TXK: variants seen among roughly 807,000 people sequenced by gnomAD.
TXK encodes the protein tyrosine-protein kinase TXK.
In TXK, 60 loss-of-function variants were observed where a neutral mutation model predicts 81.0. That is an observed-to-expected ratio of 0.74 (90% CI 0.60 to 0.92). The LOEUF is 0.92. Among genes scored for constraint, TXK ranks in the 40% least tolerant of loss-of-function variants. TXK has a pLI of 0.00. For missense variants in TXK, 581 were observed against 638.3 expected, an observed-to-expected ratio of 0.91 and a Z score of 0.97; for synonymous variants, 203 against 210.7, an observed-to-expected ratio of 0.96 and a Z score of 0.32.
Position 48,095,224 on chromosome 4 carries a change from T to G in TXK, c.502-2A>C. ...GACAATAAATGCACCTTCTTTAGAC[T>G]GCAAAAAAAATCATTTATTGAATAA... On this transcript the variant is annotated splice_acceptor_variant, in intron 6 of 14. Transcript: ENST00000264316. LOFTEE classifies it high-confidence loss of function. 6.2e-7 allele frequency: 1 copy of G among 1,607,308 alleles called. No individual in the cohort carries two copies. The highest frequency in any genetic ancestry group is 8.5e-7 in the Non-Finnish European group (1 of 1,176,714).
At chr4:48,112,722 T>C (rs1357388806) in intron 3 of TXK, among the ~76,000 whole-genome samples, 1 of 152,202 alleles carries the variant, frequency 6.6e-6, no homozygotes, top group East Asian at 1.9e-4. Flanking sequence ...ACTTTTGAGA[T>C]CACAAGTTCT....
chr4:48,096,100 T>A (rs1372632776), intron 6 of TXK, among the ~76,000 whole-genome samples: 1 of 152,252 alleles, frequency 6.6e-6, no homozygotes, highest in Non-Finnish European at 1.5e-5. Context: ...GTAAACGTAC[T>A]ACATTAAGTA....
chr4:48,108,322 GTT>G lies in TXK; in HGVS notation c.446+2214_446+2215del, dbSNP rs1253427957. 1.2e-4 allele frequency among the ~76,000 whole-genome samples: 18 copies of G among 152,298 alleles called. No individual in the cohort carries two copies. In the East Asian group the frequency reaches 3.1e-3, roughly 26 times the overall value. On this transcript the variant is annotated intron_variant, in intron 5 of 14. Coordinates refer to ENST00000264316, the MANE Select transcript of TXK (RefSeq NM_003328.3). ...CAAACTGTAAATGTTTTTCCTGTTA[GTT>G]TCATAGTTCATGAAATAATAATAAT... is the stretch of plus-strand genomic sequence containing the variant.
intron 8 of TXK, among the ~76,000 whole-genome samples, chr4:48,092,802 G>C (rs1267953564): frequency 6.6e-6 from 1 of 152,184 alleles, no homozygotes; most frequent in African/African-American, 2.4e-5. Context: ...AGGATGAGAG[G>C]GCATGGGGAC....
intron 10 of TXK, among the ~76,000 whole-genome samples, chr4:48,083,308 T>TGGGCCCACA (rs1717382372): frequency 6.6e-6 from 1 of 152,326 alleles, no homozygotes; most frequent in African/African-American, 2.4e-5. Flanking sequence ...CTGTTGCATG[T>TGGGCCCACA]CCTGCAAGTG....
chr4:48,115,195 C>G (rs1223185643), intron 1 of TXK, among the ~76,000 whole-genome samples: 1 of 152,070 alleles, frequency 6.6e-6, no homozygotes, highest in Non-Finnish European at 1.5e-5. Flanking sequence ...TGCTCTCCCT[C>G]CCCTTGCCCT....
intron 6 of TXK, among the ~76,000 whole-genome samples, chr4:48,102,509 T>G (rs1718236905): frequency 6.6e-6 from 1 of 152,246 alleles, no homozygotes; most frequent in South Asian, 2.1e-4. Flanking sequence ...GCAAGAATGT[T>G]GGAAACCAGT....
At chr4:48,077,439 A>G (rs1717115502) in intron 11 of TXK, among the ~76,000 whole-genome samples, 2 of 152,200 alleles carry the variant, frequency 1.3e-5, no homozygotes, top group Admixed American at 6.5e-5. Context: ...TTTGACAGGG[A>G]AAAGACTCAT....
chr4:48,111,444 G>T (rs1252272104), intron 4 of TXK, among the ~76,000 whole-genome samples: 1 of 152,100 alleles, frequency 6.6e-6, no homozygotes, highest in Non-Finnish European at 1.5e-5. Context: ...ATTAATGTTT[G>T]CATATTATAT....
intron 14 of TXK, 128 bp downstream of exon 14, chr4:48,071,389 A>G: frequency 1.1e-6 from 1 of 928,492 alleles, no homozygotes; most frequent in Admixed American, 2.5e-5. Context: ...TCAGACTCTC[A>G]GGATCATGAC....
intron 6 of TXK, among the ~76,000 whole-genome samples, chr4:48,098,583 G>GT (rs1560351948): frequency 6.6e-6 from 1 of 151,324 alleles, no homozygotes; most frequent in Non-Finnish European, 1.5e-5. Context: ...ATAGGAATGC[G>GT]TGTGTACTTC....
chr4:48,081,757 C>T (rs1181410216), intron 10 of TXK, among the ~76,000 whole-genome samples: 2 of 152,124 alleles, frequency 1.3e-5, no homozygotes, highest in Non-Finnish European at 1.5e-5. Context: ...CACTTGATCA[C>T]ACCTAATAAA....
At chr4:48,129,880 G>A (rs1048117507) in intron 1 of TXK, among the ~76,000 whole-genome samples, 5 of 152,088 alleles carry the variant, frequency 3.3e-5, no homozygotes, top group African/African-American at 7.2e-5. Context: ...CCAAGACATC[G>A]AGCCAGCTTG....
At chr4:48,114,609 C>T in intron 1 of TXK, 1 of 575,792 alleles carries the variant, frequency 1.7e-6, no homozygotes, top group South Asian at 2.0e-5. Flanking sequence ...TTCTCAGGCT[C>T]TTCTCCTCTG....
At chr4:48,109,873 T>A (rs1718579576) in intron 5 of TXK, among the ~76,000 whole-genome samples, 1 of 152,172 alleles carries the variant, frequency 6.6e-6, no homozygotes, top group African/African-American at 2.4e-5. Context: ...TGGAAGCATA[T>A]GCTAATTTTA....
rs11358014 is a variant in TXK, at chr4:48,079,879, CAA to C, written c.1173+31_1173+32del. ...CATCCTTCTGAATATAGGTATGATA[CAA>C]AAAAAAAAAGTAAATTTGCACCATA... On this transcript the variant is annotated intron_variant, in intron 11 of 14. Coordinates refer to ENST00000264316, the MANE Select transcript of TXK (RefSeq NM_003328.3). The C allele has an allele frequency of 2.1e-3, 2,581 of 1,257,276 alleles. 3 individuals carry two copies. The highest frequency in any genetic ancestry group is 4.4e-3 in the South Asian group (335 of 75,750). The allele number at this position is 1,257,276 out of a possible 1,614,324, so 77.9% of individuals were successfully genotyped here. A position where few individuals can be genotyped will look rare whatever the true frequency, so the allele number is the denominator to read the frequency against.
rs187404885 is a variant in TXK, at chr4:48,113,116, A to G, written c.174+91T>C. 9.2e-5 allele frequency: 75 copies of G among 816,084 alleles called. No individual in the cohort carries two copies. The African/African-American group carries it at 1.2e-3, about 13-fold the overall frequency. The allele number at this position is 816,084 out of a possible 1,614,324, so 50.6% of individuals were successfully genotyped here. On this transcript the variant is annotated intron_variant, in intron 3 of 14. Coordinates refer to ENST00000264316, the MANE Select transcript of TXK (RefSeq NM_003328.3). ...CTTATTTTATGCCAAGCAGGATACT[A>G]GATTCTGGGCAACAAACAGCACCTC... is the stretch of plus-strand genomic sequence containing the variant.
At position 48,112,382 on chromosome 4, in the gene TXK, G is replaced by C. The variant is rs764831152; in HGVS notation, c.305C>G (p.Ala102Gly). 2 of 1,614,114 alleles carry C rather than the reference G, an allele frequency of 1.2e-6. No homozygotes were observed. Among genetic ancestry groups the C allele is most frequent in the South Asian group, 1.1e-5 (1 of 91,078 alleles). Reference protein sequence around the residue: ...DFLPREPCNLALRRAEEYLIL... With the variant: ...DFLPREPCNLGLRRAEEYLIL... ...CAGGTATTCTTCTGCTCTCCTTAAG[G>C]CTAAATTACAGGGTTCTCTGGGCAG... The change falls in exon 4 of 15, where the codon GCC becomes GGC. Residue 102 changes from alanine (A) to glycine (G), a missense_variant. Coordinates refer to ENST00000264316, the MANE Select transcript of TXK (RefSeq NM_003328.3).
At chr4:48,071,993 G>T (rs1233604343) in intron 13 of TXK, among the ~76,000 whole-genome samples, 1 of 142,700 alleles carries the variant, frequency 7.0e-6, no homozygotes, top group South Asian at 2.2e-4. Context: ...TCGCTCTGTC[G>T]CCCGGGCTGG....
Sources: gnomAD v4.1 joint callset for allele counts (sites outside exome capture counted in the v4.1 genomes callset) on GRCh38, gnomAD v4.1.1 for gene constraint, MANE v1.5 for transcripts, NCBI Gene and HGNC (gene_info 2026-07-23, HGNC 2026-07-21) for gene names.